Variants in OVCH2 observed in about 807,000 individuals in gnomAD.
OVCH2 encodes the protein ovochymase 2.
In OVCH2, 88 loss-of-function variants were observed where a neutral mutation model predicts 73.7. That is an observed-to-expected ratio of 1.19 (90% CI 1.01 to 1.43). The LOEUF is 1.43. Ranked by LOEUF, OVCH2 falls within the 40% of genes most tolerant of loss-of-function variation. The pLI is 0.00. For synonymous variants in OVCH2, 265 were observed against 234.5 expected (o/e 1.13, Z -1.19); for missense variants, 706 against 674.5 (o/e 1.05, Z -0.52).
At chr11:7,691,129 G>A in intron 14 of OVCH2, 140 bp downstream of exon 14, 1 of 1,058,470 alleles carries the variant, frequency 9.4e-7, no homozygotes, top group Non-Finnish European at 1.4e-6. Flanking sequence ...CTCTTATTCA[G>A]TGTCCATGGT....
chr11:7,686,212 G>A (rs1267005168), downstream of OVCH2, among the ~76,000 whole-genome samples: 1 of 152,188 alleles, frequency 6.6e-6, no homozygotes, highest in Non-Finnish European at 1.5e-5. Flanking sequence ...AAATGATCTG[G>A]CTGGGGACTA....
intron 6 of OVCH2, 73 bp downstream of exon 6, chr11:7,701,251 T>A (rs1856431289): frequency 6.7e-7 from 1 of 1,496,276 alleles, no homozygotes; most frequent in Non-Finnish European, 8.9e-7. Context: ...CACTGAAATT[T>A]AAGAAAACTA....
Position 7,696,449 on chromosome 11 carries a change from G to A in OVCH2, c.1141+16C>T, listed in dbSNP as rs776900101. The A allele has an allele frequency of 2.5e-6, 4 of 1,613,824 alleles. No individual in the cohort carries two copies. Among genetic ancestry groups the A allele is most frequent in the South Asian group, 2.2e-5 (2 of 91,046 alleles). ...TTGGCACTGGTTTCCATTTGACACTGTGAAAATCCACTCACCAATGGGTCT... is the reference window on the plus strand; with the variant it reads ...TTGGCACTGGTTTCCATTTGACACTATGAAAATCCACTCACCAATGGGTCT... On this transcript the variant is annotated intron_variant, in intron 10 of 15. Coordinates refer to ENST00000533663, the MANE Select transcript of OVCH2 (RefSeq NM_198185.7).
At chr11:7,696,379 T>C in intron 10 of OVCH2, 86 bp downstream of exon 10, 1 of 1,540,362 alleles carries the variant, frequency 6.5e-7, no homozygotes, top group East Asian at 2.3e-5. Context: ...CATTTACAGA[T>C]GGCTGAGTGC....
intron 12 of OVCH2, among the ~76,000 whole-genome samples, chr11:7,694,430 T>G (rs1449208341): frequency 6.6e-6 from 1 of 152,134 alleles, no homozygotes; most frequent in Non-Finnish European, 1.5e-5. Flanking sequence ...TCCCTGAGCC[T>G]GTTCTGCGCT....
At chr11:7,697,636 C>A (rs77390204) in intron 8 of OVCH2, among the ~76,000 whole-genome samples, 2,271 of 152,278 alleles carry the variant, frequency 0.015, 64 homozygotes, top group African/African-American at 0.052. Flanking sequence ...CTCTCATGCT[C>A]AAAACTTTGG....
In OVCH2 at chr11:7,700,361, C is replaced by T. The variant is rs1231026833; in HGVS notation, c.836G>A (p.Gly279Glu). The part of the protein sequence containing the change: ...WRNNVRKSDQ[G>E]SPGIFTDISK... ...AATGTCTGTGAAGATCCCAGGGGAT[C>T]CTTGATCACTTTTCCTCACATTGTT... The change falls in exon 7 of 16, where the codon GGA becomes GAA. Residue 279 changes from glycine to glutamate, a missense_variant. Physicochemically the swap from Gly to Glu is moderately conservative, Grantham distance 98 (BLOSUM62 -2). Coordinates refer to ENST00000533663, the MANE Select transcript of OVCH2 (RefSeq NM_198185.7). The T allele has an allele frequency of 6.8e-6, 11 of 1,613,638 alleles. No homozygotes were observed. The highest frequency in any genetic ancestry group is 2.7e-5 in the African/African-American group (2 of 74,902).
At chr11:7,697,109 T>A in intron 8 of OVCH2, 1 of 343,384 alleles carries the variant, frequency 2.9e-6, no homozygotes, top group East Asian at 5.9e-5. Context: ...CGATCACAGC[T>A]TACTGCAACC....
At chr11:7,704,891 G>C (rs1468730027) in intron 1 of OVCH2, among the ~76,000 whole-genome samples, 1 of 152,138 alleles carries the variant, frequency 6.6e-6, no homozygotes, top group Non-Finnish European at 1.5e-5. Flanking sequence ...TGATTCACAA[G>C]TTGGTACTCG....
the OVCH2 span, among the ~76,000 whole-genome samples, chr11:7,681,832 C>T: frequency 9.0e-5 from 10 of 111,058 alleles, no homozygotes; most frequent in African/African-American, 3.3e-4. Context: ...GCTTCCAGGA[C>T]GGGGAGAAGG....
chr11:7,680,870 A>G, the OVCH2 span, among the ~76,000 whole-genome samples: 1 of 152,202 alleles, frequency 6.6e-6, no homozygotes, highest in East Asian at 1.9e-4. Flanking sequence ...TTATACTTGA[A>G]TTTACTCTAT....
chr11:7,678,701 C>T, the OVCH2 span, among the ~76,000 whole-genome samples: 9 of 152,150 alleles, frequency 5.9e-5, no homozygotes, highest in African/African-American at 1.9e-4. Context: ...AACTTAATGC[C>T]GCATGTTCTC....
intron 11 of OVCH2, 148 bp downstream of exon 11, chr11:7,695,422 C>T: frequency 3.2e-6 from 3 of 942,296 alleles, no homozygotes; most frequent in Non-Finnish European, 4.7e-6. Context: ...GGAGACTGCC[C>T]CCTGTTCTCT....
chr11:7,687,955 C>T (rs1483042643), downstream of OVCH2, among the ~76,000 whole-genome samples: 2 of 152,044 alleles, frequency 1.3e-5, no homozygotes, highest in East Asian at 1.9e-4. Flanking sequence ...CTAATCCCAT[C>T]GATGAGGGCT....
chr11:7,696,537 A>G lies in OVCH2; in HGVS notation c.1069T>C (p.Phe357Leu), dbSNP rs765404110. 57 of 1,613,886 alleles carry G rather than the reference A, an allele frequency of 3.5e-5. No individual in the cohort carries two copies. Among genetic ancestry groups the G allele is most frequent in the Non-Finnish European group, 4.7e-5 (56 of 1,179,908 alleles). The change falls in exon 10 of 16, where the codon TTT (phenylalanine) becomes CTT (leucine). Residue 357 changes from phenylalanine (F) to leucine (L), a missense_variant. By Grantham distance (22) the Phe-to-Leu change is conservative (BLOSUM62 0). Transcript: ENST00000533663. ...VPEEMHVLLS[F>L]SHLDVESCHH... ...CAAGACTCAACATCTAGGTGGGAAA[A>G]ACTGAGCAACACATGCATTTCCTCT...
chr11:7,681,419 G>A, the OVCH2 span, among the ~76,000 whole-genome samples: 1 of 152,144 alleles, frequency 6.6e-6, no homozygotes, highest in Non-Finnish European at 1.5e-5. Context: ...TCCTGGCAAC[G>A]TGGGGCTAAC....
In OVCH2 at chr11:7,690,020, A is replaced by G. The variant is rs866523599; in HGVS notation, c.1640-7T>C. The G allele has an allele frequency of 4.7e-6, 7 of 1,487,500 alleles. No homozygotes were observed. The highest frequency in any genetic ancestry group is 3.9e-5 in the Admixed American group (2 of 50,770). The allele number at this position is 1,487,500 out of a possible 1,614,324, so 92.1% of individuals were successfully genotyped here. A position where few individuals can be genotyped will look rare whatever the true frequency, so the allele number is the denominator to read the frequency against. ...ATGTTTAAATCTGGGTATACTGGGT[A>G]TAAGTATGATACAATTACTCAGTTT... On this transcript the variant is annotated splice_region_variant and splice_polypyrimidine_tract_variant and intron_variant, in intron 14 of 15. Transcript: ENST00000533663.
At chr11:7,679,449 G>A in the OVCH2 span, among the ~76,000 whole-genome samples, 1 of 152,150 alleles carries the variant, frequency 6.6e-6, no homozygotes, top group African/African-American at 2.4e-5. Context: ...AAACAGGGAG[G>A]TTGGTGATTG....
chr11:7,694,412 C>G (rs1269530528), intron 12 of OVCH2, among the ~76,000 whole-genome samples: 2 of 152,156 alleles, frequency 1.3e-5, no homozygotes, highest in African/African-American at 4.8e-5. Context: ...CCCTCTTAAA[C>G]CAGCGATTCC....
Sources: gnomAD v4.1 joint callset for allele counts (sites outside exome capture counted in the v4.1 genomes callset) on GRCh38, gnomAD v4.1.1 for gene constraint, MANE v1.5 for transcripts, NCBI Gene and HGNC (gene_info 2026-07-23, HGNC 2026-07-21) for gene names.